BDP1: variants seen among roughly 807,000 people sequenced by gnomAD.
BDP1 encodes the protein BDP1 general transcription factor IIIB subunit.
Under a neutral mutation model 266.6 loss-of-function variants are expected in BDP1, and 169 were observed. That is an observed-to-expected ratio of 0.63 (90% CI 0.56 to 0.72). The LOEUF (loss-of-function observed/expected upper bound fraction) is 0.72, where lower values mean the gene tolerates loss of function less well. Among genes scored for constraint, BDP1 ranks in the 30% least tolerant of loss-of-function variants. The pLI is 0.00. For missense variants in BDP1, 3,015 were observed against 3,053.8 expected, an observed-to-expected ratio of 0.99 and a Z score of 0.30; for synonymous variants, 1,090 against 1,022.4, an observed-to-expected ratio of 1.07 and a Z score of -1.26.
Position 71,502,263 on chromosome 5 carries a change from C to T in BDP1, c.2049-336C>T, listed in dbSNP as rs1415757376. Among the ~76,000 whole-genome samples, 5 of 150,050 alleles carry T rather than the reference C, an allele frequency of 3.3e-5. No individual in the cohort carries two copies. The East Asian group carries it at 7.8e-4, about 24-fold the overall frequency. The stretch of plus-strand genomic sequence containing the variant: ...AGTCTCTGCTCACTGCAACCTCTGC[C>T]TCCCGGTTTCAAGCGATTCTTCTGC... On this transcript the variant is annotated intron_variant, in intron 14 of 38. Coordinates refer to ENST00000358731, the MANE Select transcript of BDP1 (RefSeq NM_018429.3).
At chr5:71,522,514 AAAAAT>A in intron 23 of BDP1, 24 bp downstream of exon 23, 1 of 1,571,778 alleles carries the variant, frequency 6.4e-7, no homozygotes, top group Non-Finnish European at 8.6e-7. Flanking sequence ...AAAAAAAAAA[AAAAAT>A]TTTTTTTCTC....
At chr5:71,511,830 A>G (rs1440762587) in intron 17 of BDP1, among the ~76,000 whole-genome samples, 1 of 152,236 alleles carries the variant, frequency 6.6e-6, no homozygotes, top group Non-Finnish European at 1.5e-5. Context: ...ATAGGAAATT[A>G]GACTGAATTT....
At chr5:71,564,329 A>C (rs201813934) in intron 38 of BDP1, among the ~76,000 whole-genome samples, 1 of 151,816 alleles carries the variant, frequency 6.6e-6, no homozygotes, top group African/African-American at 2.4e-5. Flanking sequence ...GGGTCTGTCT[A>C]TTATGCAAAT....
intron 9 of BDP1, among the ~76,000 whole-genome samples, chr5:71,488,698 G>A (rs1175465758): frequency 6.6e-6 from 1 of 151,188 alleles, no homozygotes; most frequent in Non-Finnish European, 1.5e-5. Flanking sequence ...CAAAGTGCTA[G>A]GATTACAGGC....
At chr5:71,520,651 C>G (rs1765447372) in intron 22 of BDP1, among the ~76,000 whole-genome samples, 1 of 149,976 alleles carries the variant, frequency 6.7e-6, no homozygotes, top group Non-Finnish European at 1.5e-5. Context: ...ATTTATTCCA[C>G]AAACATTTTA....
chr5:71,470,744 C>G (rs111477245), intron 7 of BDP1, among the ~76,000 whole-genome samples: 2 of 151,904 alleles, frequency 1.3e-5, no homozygotes, highest in Non-Finnish European at 2.9e-5. Context: ...CCTGCCACCA[C>G]GCCCGGCTGA....
intron 32 of BDP1, among the ~76,000 whole-genome samples, chr5:71,547,795 A>G (rs764456718): frequency 6.6e-6 from 1 of 152,062 alleles, no homozygotes; most frequent in Non-Finnish European, 1.5e-5. Context: ...TAAAAATACA[A>G]AAATTAGCTG....
chr5:71,563,742 A>T (rs1743841911), intron 38 of BDP1, among the ~76,000 whole-genome samples: 1 of 152,164 alleles, frequency 6.6e-6, no homozygotes, highest in African/African-American at 2.4e-5. Context: ...GCAAAACCCC[A>T]TCTCTACCAA....
At chr5:71,538,445 C>CA (rs1421558878) in intron 26 of BDP1, among the ~76,000 whole-genome samples, 1 of 152,184 alleles carries the variant, frequency 6.6e-6, no homozygotes, top group Non-Finnish European at 1.5e-5. Context: ...CATAGACTCT[C>CA]ACCTTTGTTA....
At chr5:71,518,355 T>A (rs277946) in intron 22 of BDP1, among the ~76,000 whole-genome samples, 45,746 of 152,112 alleles carry the variant, frequency 0.3, 7,946 homozygotes, top group East Asian at 0.5. Context: ...GATGTTATTG[T>A]ATCCTTTTTT....
In BDP1 at chr5:71,524,022, A is replaced by G; in HGVS notation, c.5471A>G (p.Glu1824Gly). 6.2e-7 allele frequency: 1 copy of G among 1,614,236 alleles called. No individual in the cohort carries two copies. The highest frequency in any genetic ancestry group is 8.5e-7 in the Non-Finnish European group (1 of 1,180,050). The stretch of plus-strand genomic sequence containing the variant: ...ACTATCTCTTCTACATCTGAGTATG[A>G]GAGAAATCGTGGTGAAAGGAGAAGT... ...KTTISSTSEY[E>G]RNRGERRSHK... is the part of the protein sequence containing the mutation. Residue 1824 changes from glutamate (E) to glycine (G), a missense_variant, in exon 25 of 39, where the codon GAG becomes GGG. Physicochemically the swap from Glu to Gly is moderately conservative, Grantham distance 98. This residue lies in a region of BDP1 where 2,383 missense variants were observed against 2,404.9 expected (regional missense o/e 0.99). Coordinates refer to ENST00000358731, the MANE Select transcript of BDP1 (RefSeq NM_018429.3).
In BDP1 at chr5:71,515,128, C is replaced by T; in HGVS notation, c.4649+6C>T. 1 of 1,563,336 alleles carries T rather than the reference C, an allele frequency of 6.4e-7. No homozygotes were observed. Among genetic ancestry groups the T allele is most frequent in the Non-Finnish European group, 8.6e-7 (1 of 1,160,166 alleles). Reference sequence around the variant, plus strand: ...GACTCAGTTGTTTCTGTGGGGTAAACAGTGATTTTCTTTGACAATATAAAA... The same window carrying T: ...GACTCAGTTGTTTCTGTGGGGTAAATAGTGATTTTCTTTGACAATATAAAA... On this transcript the variant is annotated splice_donor_region_variant and intron_variant, in intron 20 of 38. Coordinates refer to ENST00000358731, the MANE Select transcript of BDP1 (RefSeq NM_018429.3).
chr5:71,556,600 G>A (rs567727070), intron 35 of BDP1, among the ~76,000 whole-genome samples: 1 of 152,204 alleles, frequency 6.6e-6, no homozygotes, highest in East Asian at 1.9e-4. Context: ...CTACTTGATT[G>A]TGATGTAGTA....
At chr5:71,536,480 A>G (rs983383926) in intron 26 of BDP1, among the ~76,000 whole-genome samples, 1 of 152,220 alleles carries the variant, frequency 6.6e-6, no homozygotes, top group East Asian at 1.9e-4. Flanking sequence ...TATAGAGTGC[A>G]TACAATTCTG....
intron 10 of BDP1, among the ~76,000 whole-genome samples, 197 bp from the exon 11 acceptor site, chr5:71,490,787 C>T (rs1168194913): frequency 2.0e-5 from 3 of 152,078 alleles, no homozygotes; most frequent in African/African-American, 7.2e-5. Context: ...TACAAATTGC[C>T]CAAGAAGCTT....
chr5:71,529,684 A>G (rs1363022762), intron 25 of BDP1, among the ~76,000 whole-genome samples: 1 of 152,182 alleles, frequency 6.6e-6, no homozygotes, highest in Non-Finnish European at 1.5e-5. Flanking sequence ...GGAGGAGACA[A>G]AAGCTTTGAA....
At chr5:71,457,832 CTG>C (rs751480269) in intron 1 of BDP1, among the ~76,000 whole-genome samples, 1 of 152,112 alleles carries the variant, frequency 6.6e-6, no homozygotes, top group Non-Finnish European at 1.5e-5. Context: ...AAAAAGTAGA[CTG>C]TTTTTAATTA....
intron 7 of BDP1, among the ~76,000 whole-genome samples, chr5:71,482,997 T>TA: frequency 6.6e-6 from 1 of 152,256 alleles, no homozygotes; most frequent in East Asian, 1.9e-4. Context: ...AATAAGGAAA[T>TA]ACAAGAAAGT....
In BDP1 at chr5:71,510,564, A is replaced by C. The variant is rs528512285; in HGVS notation, c.3472A>C (p.Asn1158His). 3 of 1,613,938 alleles carry C rather than the reference A, an allele frequency of 1.9e-6. No individual in the cohort carries two copies. The South Asian group carries it at 3.3e-5, about 18-fold the overall frequency. ...AAGAAGAGAAATATCCCCAGAGGAA[A>C]ATGGCCCAGAGGAGGTCAAGCCTGT... The part of the protein sequence containing the change: ...TGRREISPEE[N>H]GPEEVKPVDE... The change falls in exon 17 of 39, where the codon AAT becomes CAT. Residue 1158 changes from asparagine to histidine, a missense_variant. Asn to His is a moderately conservative substitution (Grantham distance 68). Around this residue, in one of 3 missense-constraint regions of BDP1, gnomAD observed 2,383 missense variants for 2,404.9 expected, o/e 0.99. Coordinates refer to ENST00000358731, the MANE Select transcript of BDP1 (RefSeq NM_018429.3).
Sources: allele counts gnomAD v4.1 joint callset (sites outside exome capture counted in the v4.1 genomes callset), GRCh38; gene constraint gnomAD v4.1.1; regional missense constraint gnomAD v4.1.1; transcripts MANE v1.5; gene names NCBI Gene and HGNC (gene_info 2026-07-23, HGNC 2026-07-21).